Variants in CBLB observed in about 807,000 individuals in gnomAD.
The protein encoded by CBLB is Cbl proto-oncogene B, also known as E3 ubiquitin-protein ligase CBL-B.
CBLB carries 31 observed loss-of-function variants against 104.9 expected under a neutral mutation model. That is an observed-to-expected ratio of 0.30 (90% confidence interval 0.22 to 0.40). CBLB has a LOEUF of 0.40. CBLB is among the 10% of genes least tolerant of loss of function. The probability of loss-of-function intolerance (pLI) is 1.00; values close to 1 mark genes in which losing one functional copy is unlikely to be tolerated. For missense variants in CBLB, 1,062 were observed against 1,214.6 expected (o/e 0.87, Z 1.87); for synonymous variants, 440 against 422.6 (o/e 1.04, Z -0.51).
intron 3 of CBLB, among the ~76,000 whole-genome samples, chr3:105,791,851 T>C (rs183121292): frequency 4.7e-4 from 72 of 152,362 alleles, no homozygotes; most frequent in Non-Finnish European, 7.3e-4. Context: ...GTGAGTTTAA[T>C]TTGGATTTTA....
chr3:105,681,485 G>T lies in CBLB; in HGVS notation c.2422C>A (p.Pro808Thr). 6.2e-7 allele frequency: 1 copy of T among 1,614,108 alleles called. No homozygotes were observed. The highest frequency in any genetic ancestry group is 8.5e-7 in the Non-Finnish European group (1 of 1,179,972). The change falls in exon 16 of 19, where the codon CCA becomes ACA. Residue 808 changes from proline (P) to threonine (T), a missense_variant. Physicochemically the swap from Pro to Thr is conservative, Grantham distance 38 (BLOSUM62 -1). This residue lies in a region of CBLB where 605 missense variants were observed against 582.6 expected (regional missense o/e 1.04). Coordinates refer to ENST00000394030, the MANE Select transcript of CBLB (RefSeq NM_170662.5). ...TPSDYDLLIP[P>T]LGEDAFDALP... Reference sequence around the variant, plus strand: ...CTTTTTTAAAGGTTTCAACCTAATGGAGGGATGAGAAGATCATAATCAGAG... The same window carrying T: ...CTTTTTTAAAGGTTTCAACCTAATGTAGGGATGAGAAGATCATAATCAGAG...
chr3:105,853,549 T>C lies in CBLB; in HGVS notation c.284A>G (p.Asn95Ser). 1 of 1,613,698 alleles carries C rather than the reference T, an allele frequency of 6.2e-7. No individual in the cohort carries two copies. The highest frequency in any genetic ancestry group is 8.5e-7 in the Non-Finnish European group (1 of 1,179,752). The change falls in exon 3 of 19, where the codon AAC becomes AGC. Residue 95 changes from asparagine (N) to serine (S), a missense_variant. Physicochemically the swap from Asn to Ser is conservative, Grantham distance 46. Coordinates refer to ENST00000394030, the MANE Select transcript of CBLB (RefSeq NM_170662.5). The part of the protein sequence containing the change: ...LRLILSKYDD[N>S]QKLAQLSENE... ...CTCACTGAGTTGGGCAAGTTTCTGGTTGTCATCATATTTACTCAATATAAG... is the reference window on the plus strand; with the variant it reads ...CTCACTGAGTTGGGCAAGTTTCTGGCTGTCATCATATTTACTCAATATAAG...
rs557545695 is a variant in CBLB, at chr3:105,794,048, T to C, written c.420-17506A>G. Among the ~76,000 whole-genome samples the C allele has an allele frequency of 9.5e-4, 144 of 152,254 alleles. 1 individual carries two copies. The highest frequency in any genetic ancestry group is 3.4e-3 in the African/African-American group (143 of 41,550). ...AGAATGAATTATTAAAATATACCCATGCAACACTAAAAATAAGACTGATGA... is the reference window on the plus strand; with the variant it reads ...AGAATGAATTATTAAAATATACCCACGCAACACTAAAAATAAGACTGATGA... On this transcript the variant is annotated intron_variant, in intron 3 of 18. Transcript: ENST00000394030.
chr3:105,725,624 T>C (rs1180840057), intron 9 of CBLB, among the ~76,000 whole-genome samples: 1 of 152,158 alleles, frequency 6.6e-6, no homozygotes, highest in African/African-American at 2.4e-5. Flanking sequence ...CTCTCGCAGC[T>C]TCTTTATTAC....
intron 5 of CBLB, among the ~76,000 whole-genome samples, chr3:105,748,308 C>T (rs1268394266): frequency 1.3e-5 from 2 of 152,154 alleles, no homozygotes; most frequent in Non-Finnish European, 2.9e-5. Context: ...GAAGAGGGTC[C>T]TTGGCTGGTC....
chr3:105,753,489 A>T (rs901417993), intron 4 of CBLB, among the ~76,000 whole-genome samples: 1 of 152,150 alleles, frequency 6.6e-6, no homozygotes, highest in Non-Finnish European at 1.5e-5. Flanking sequence ...AATGTCTAAG[A>T]AGTACATTTT....
intron 3 of CBLB, among the ~76,000 whole-genome samples, chr3:105,815,970 G>A (rs1327343682): frequency 2.6e-5 from 4 of 152,028 alleles, no homozygotes; most frequent in South Asian, 4.2e-4. Flanking sequence ...ACCAAATACC[G>A]CATGTTCTCG....
intron 7 of CBLB, among the ~76,000 whole-genome samples, chr3:105,737,590 T>G (rs2075090200): frequency 6.6e-6 from 1 of 152,188 alleles, no homozygotes; most frequent in South Asian, 2.1e-4. Context: ...ACTTTGAAGA[T>G]ATACCTATTT....
intron 6 of CBLB, among the ~76,000 whole-genome samples, chr3:105,741,916 A>T (rs762345625): frequency 5.9e-5 from 9 of 152,228 alleles, no homozygotes; most frequent in Non-Finnish European, 1.2e-4. Flanking sequence ...CTGCCATCTA[A>T]CCATGTCAAA....
intron 3 of CBLB, among the ~76,000 whole-genome samples, chr3:105,789,781 T>A (rs1051830156): frequency 6.6e-6 from 1 of 152,178 alleles, no homozygotes; most frequent in Admixed American, 6.5e-5. Context: ...TATGTCTAGA[T>A]AAGAAATCAT....
At chr3:105,717,319 A>G (rs2152819217) in intron 10 of CBLB, among the ~76,000 whole-genome samples, 1 of 152,296 alleles carries the variant, frequency 6.6e-6, no homozygotes, top group East Asian at 1.9e-4. Flanking sequence ...CAACTACTTG[A>G]GCTGTTGTAT....
At chr3:105,730,304 G>A (rs1232823695) in intron 9 of CBLB, among the ~76,000 whole-genome samples, 1 of 151,958 alleles carries the variant, frequency 6.6e-6, no homozygotes. Flanking sequence ...TGGAACAAAG[G>A]GAACTAAGCC....
intron 12 of CBLB, among the ~76,000 whole-genome samples, chr3:105,696,236 A>C (rs545187148): frequency 1.3e-5 from 2 of 151,828 alleles, no homozygotes; most frequent in South Asian, 4.1e-4. Flanking sequence ...TTGAGATAGC[A>C]AAGGACCTAA....
chr3:105,754,523 C>CAGAGAGAGACAGAGAGAG (rs2076882951), intron 4 of CBLB, among the ~76,000 whole-genome samples: 1 of 102,758 alleles, frequency 9.7e-6, no homozygotes, highest in African/African-American at 3.8e-5. Context: ...GAGAGAGAGA[C>CAGAGAGAGACAGAGAGAG]AGAGAGAGAG....
intron 3 of CBLB, among the ~76,000 whole-genome samples, chr3:105,806,566 G>A (rs2083530882): frequency 6.6e-6 from 1 of 150,662 alleles, no homozygotes; most frequent in South Asian, 2.1e-4. Context: ...AAGATATGAT[G>A]AGTCATAACC....
chr3:105,814,426 A>G (rs2084733703), intron 3 of CBLB, among the ~76,000 whole-genome samples: 1 of 152,234 alleles, frequency 6.6e-6, no homozygotes, highest in Non-Finnish European at 1.5e-5. Context: ...ATTTGTCACA[A>G]GAGTAAACAG....
intron 3 of CBLB, among the ~76,000 whole-genome samples, chr3:105,779,694 G>T (rs2079927495): frequency 6.6e-6 from 1 of 151,738 alleles, no homozygotes; most frequent in South Asian, 2.1e-4. Flanking sequence ...AAAAAAAAGA[G>T]AAAGAGAACT....
chr3:105,737,252 A>C lies in CBLB; in HGVS notation c.990T>G (p.Leu330=), dbSNP rs1470861224. 1 of 1,526,288 alleles carries C rather than the reference A, an allele frequency of 6.6e-7. No homozygotes were observed. The highest frequency in any genetic ancestry group is 1.7e-5 in the Admixed American group (1 of 58,978). The allele number at this position is 1,526,288 out of a possible 1,614,324, so 94.5% of individuals were successfully genotyped here. Residue 330 remains leucine (L), a synonymous_variant, in exon 8 of 19, where the codon CTT becomes CTG. Coordinates refer to ENST00000394030, the MANE Select transcript of CBLB (RefSeq NM_170662.5). The part of the protein sequence containing the change: ...LIDGSREGFY[L]YPDGRSYNPD... ...GATTATAACTCCTCCCATCAGGATAAAGATAACTGAATTTAAACAGAAACT... is the reference window on the plus strand; with the variant it reads ...GATTATAACTCCTCCCATCAGGATACAGATAACTGAATTTAAACAGAAACT...
chr3:105,824,657 A>G (rs928219899), intron 3 of CBLB, among the ~76,000 whole-genome samples: 2 of 152,014 alleles, frequency 1.3e-5, no homozygotes, highest in African/African-American at 4.8e-5. Flanking sequence ...TAGTAATAAC[A>G]TCTTAAAATA....
Sources: allele counts gnomAD v4.1 joint callset (sites outside exome capture counted in the v4.1 genomes callset), GRCh38; gene constraint gnomAD v4.1.1; regional missense constraint gnomAD v4.1.1; transcripts MANE v1.5; gene names NCBI Gene and HGNC (gene_info 2026-07-23, HGNC 2026-07-21).